The following SYT1 variants were observed in gnomAD, a reference collection of about 807,000 sequenced individuals.
SYT1 encodes synaptotagmin 1, also known as synaptotagmin-1.
In SYT1, 8 loss-of-function variants were observed where a neutral mutation model predicts 44.8. The observed-to-expected ratio is 0.18, with a 90% confidence interval of 0.10 to 0.32. The LOEUF is 0.32. Among genes scored for constraint, SYT1 ranks in the 10% least tolerant of loss-of-function variants. The pLI, the probability that SYT1 is intolerant of heterozygous loss-of-function variation, is 1.00. For missense variants in SYT1, 286 were observed against 509.3 expected (o/e 0.56, Z 4.22); for synonymous variants, 154 against 188.8 (o/e 0.82, Z 1.51).
intron 3 of SYT1, among the ~76,000 whole-genome samples, chr12:79,206,525 A>T (rs1874138185): frequency 6.6e-6 from 1 of 152,186 alleles, no homozygotes; most frequent in Non-Finnish European, 1.5e-5. Context: ...AGATGTAAAA[A>T]ATGTGAAAAA....
chr12:79,351,098 A>C (rs1882879580), intron 8 of SYT1, among the ~76,000 whole-genome samples: 2 of 152,206 alleles, frequency 1.3e-5, no homozygotes, highest in African/African-American at 4.8e-5. Context: ...GGTGCTTTAA[A>C]AAAGCACTTT....
chr12:79,031,121 AG>A (rs1157297734), intron 2 of SYT1, among the ~76,000 whole-genome samples: 4 of 150,518 alleles, frequency 2.7e-5, no homozygotes, highest in Non-Finnish European at 5.9e-5. Context: ...TATTAAAATT[AG>A]CTGCTCAATA....
chr12:79,199,996 A>AT (rs757688286), intron 3 of SYT1, among the ~76,000 whole-genome samples: 3 of 151,798 alleles, frequency 2.0e-5, no homozygotes, highest in East Asian at 1.9e-4. Context: ...GGTAGCATAA[A>AT]TTTTTTTTTA....
At chr12:79,179,608 C>T (rs377476166) in intron 3 of SYT1, among the ~76,000 whole-genome samples, 22 of 148,936 alleles carry the variant, frequency 1.5e-4, no homozygotes, top group African/African-American at 4.5e-4. Flanking sequence ...TTAATAGAGA[C>T]GGGATTTCTC....
intron 4 of SYT1, among the ~76,000 whole-genome samples, chr12:79,260,081 G>T (rs994392093): frequency 6.6e-6 from 1 of 152,168 alleles, no homozygotes. Flanking sequence ...TGAAACTGGA[G>T]AGTATTGTAT....
intron 8 of SYT1, among the ~76,000 whole-genome samples, chr12:79,309,325 C>A (rs958175213): frequency 2.6e-5 from 4 of 152,040 alleles, no homozygotes; most frequent in Admixed American, 1.3e-4. Context: ...AAATATGATC[C>A]CAGTAGGGAA....
intron 2 of SYT1, among the ~76,000 whole-genome samples, chr12:79,039,655 G>A (rs1341805040): frequency 6.8e-6 from 1 of 147,842 alleles, no homozygotes; most frequent in Non-Finnish European, 1.5e-5. Context: ...AAGTTTTAGG[G>A]TACATGTGCA....
At position 79,449,305 on chromosome 12, in the gene SYT1, A is replaced by T; in HGVS notation, c.*181A>T. The T allele has an allele frequency of 1.6e-6, 1 of 626,328 alleles. No homozygotes were observed. Among genetic ancestry groups the T allele is most frequent in the Non-Finnish European group, 2.7e-6 (1 of 364,182 alleles). 38.8% of individuals were successfully genotyped at this position (626,328 alleles called of 1,614,324 possible). A position where few individuals can be genotyped will look rare whatever the true frequency, so the allele number is the denominator to read the frequency against. ...AATGTAGAGAGCCCCTAAGTCCTTC[A>T]TCATACCACTGCCCTCCAAATCTAC... On this transcript the variant is annotated 3_prime_UTR_variant, in exon 11 of 11. Coordinates refer to ENST00000261205, the MANE Select transcript of SYT1 (RefSeq NM_005639.3).
At chr12:79,425,826 G>A (rs878892886) in intron 9 of SYT1, among the ~76,000 whole-genome samples, 1 of 152,088 alleles carries the variant, frequency 6.6e-6, no homozygotes, top group African/African-American at 2.4e-5. Context: ...GGTTTTACCT[G>A]CAAAGCACTA....
chr12:78,884,865 T>A (rs1434826104), intron 1 of SYT1, among the ~76,000 whole-genome samples: 1 of 151,880 alleles, frequency 6.6e-6, no homozygotes, highest in Non-Finnish European at 1.5e-5. Flanking sequence ...TTTATAAAAT[T>A]TGGCAAATTT....
In SYT1 at chr12:78,920,571, C is replaced by CGA. The variant is rs1362850827; in HGVS notation, c.-217+55462_-217+55463insGA. ...CATGCATTTTTATAAACTTTTATAA[C>CGA]CAAGTTCTCTAAATAAGCATTTTTT... On this transcript the variant is annotated intron_variant, in intron 1 of 10. Coordinates refer to ENST00000261205, the MANE Select transcript of SYT1 (RefSeq NM_005639.3). Among the ~76,000 whole-genome samples, 14 of 50,570 alleles carry CGA rather than the reference C, an allele frequency of 2.8e-4. No individual in the cohort carries two copies. The African/African-American group carries it at 3.9e-3, about 14-fold the overall frequency. 33.2% of individuals were successfully genotyped at this position (50,570 alleles called of 152,430 possible). A position where few individuals can be genotyped will look rare whatever the true frequency, so the allele number is the denominator to read the frequency against.
intron 3 of SYT1, among the ~76,000 whole-genome samples, chr12:79,083,091 A>T (rs1877146527): frequency 6.6e-6 from 1 of 152,156 alleles, no homozygotes; most frequent in South Asian, 2.1e-4. Flanking sequence ...AAAAACAAAT[A>T]AATAATCCAG....
rs373264605 is a variant in SYT1 at position 78,929,446 on chromosome 12, A to AAAAAAAAAAAAAAAAAAAAAAAAAAAAAG, written c.-216-48353_-216-48352insAAAAAAAAAAAAAAAAAAAAAAAAAAAAG. ...AAAAAAAAAAAAAAAAAAAAAAAAA[A>AAAAAAAAAAAAAAAAAAAAAAAAAAAAAG]GGTTATTAGCAGCAATTAGTTTTAT... On this transcript the variant is annotated intron_variant, in intron 1 of 10. Transcript: ENST00000261205. 6.2e-5 allele frequency among the ~76,000 whole-genome samples: 8 copies of AAAAAAAAAAAAAAAAAAAAAAAAAAAAAG among 128,508 alleles called. 2 individuals are homozygous for AAAAAAAAAAAAAAAAAAAAAAAAAAAAAG. The highest frequency in any genetic ancestry group is 2.7e-4 in the African/African-American group (7 of 25,818). 84.3% of individuals were successfully genotyped at this position (128,508 alleles called of 152,430 possible). A position where few individuals can be genotyped will look rare whatever the true frequency, so the allele number is the denominator to read the frequency against.
rs184707105 is a variant in SYT1, at chr12:79,205,861, G to A, written c.-17-11642G>A. Among the ~76,000 whole-genome samples, 12 of 152,190 alleles carry A rather than the reference G, an allele frequency of 7.9e-5. No homozygotes were observed. The South Asian group carries it at 1.5e-3, about 18-fold the overall frequency. On this transcript the variant is annotated intron_variant, in intron 3 of 10. Coordinates refer to ENST00000261205, the MANE Select transcript of SYT1 (RefSeq NM_005639.3). ...TAATTGTAATTGATCTTCTGAGAACGAGAAACACAGTTTGTTTAAATTTTT... is the reference window on the plus strand; with the variant it reads ...TAATTGTAATTGATCTTCTGAGAACAAGAAACACAGTTTGTTTAAATTTTT...
chr12:78,985,165 A>G (rs888956740), intron 2 of SYT1, among the ~76,000 whole-genome samples: 2 of 151,960 alleles, frequency 1.3e-5, no homozygotes, highest in Non-Finnish European at 2.9e-5. Flanking sequence ...ACAGCTATTT[A>G]TCTTTTGTGA....
intron 2 of SYT1, among the ~76,000 whole-genome samples, chr12:78,985,043 A>G (rs972870379): frequency 6.6e-6 from 1 of 152,024 alleles, no homozygotes; most frequent in Non-Finnish European, 1.5e-5. Flanking sequence ...GACACATTGT[A>G]TACCGAGAAC....
chr12:79,413,402 T>A (rs1404460565), intron 9 of SYT1, among the ~76,000 whole-genome samples: 1 of 152,226 alleles, frequency 6.6e-6, no homozygotes, highest in African/African-American at 2.4e-5. Context: ...AAGATCTGTC[T>A]GCTCAACTAT....
At chr12:79,197,327 C>A (rs145558048) in intron 3 of SYT1, among the ~76,000 whole-genome samples, 1 of 152,048 alleles carries the variant, frequency 6.6e-6, no homozygotes, top group South Asian at 2.1e-4. Flanking sequence ...TCAAGTCATA[C>A]GGAATTCTAG....
chr12:79,340,850 TG>T (rs1329868301), intron 8 of SYT1, among the ~76,000 whole-genome samples: 1 of 152,194 alleles, frequency 6.6e-6, no homozygotes, highest in African/African-American at 2.4e-5. Flanking sequence ...AAGAATCTTT[TG>T]ACAAGGACAC....
Sources: gnomAD v4.1 joint callset for allele counts (sites outside exome capture counted in the v4.1 genomes callset) on GRCh38, gnomAD v4.1.1 for gene constraint, MANE v1.5 for transcripts, NCBI Gene and HGNC (gene_info 2026-07-23, HGNC 2026-07-21) for gene names.